The following RAP1GAP2 variants were observed in gnomAD, a reference collection of about 807,000 sequenced individuals.
RAP1GAP2 encodes RAP1 GTPase activating protein 2, also known as rap1 GTPase-activating protein 2.
In RAP1GAP2, 27 loss-of-function variants were observed where a neutral mutation model predicts 95.0. That is an observed-to-expected ratio of 0.28 (90% CI 0.21 to 0.39). The LOEUF (loss-of-function observed/expected upper bound fraction) is 0.39. Among genes scored for constraint, RAP1GAP2 ranks in the 10% least tolerant of loss-of-function variants. RAP1GAP2 has a pLI of 1.00. For synonymous variants in RAP1GAP2, 373 were observed against 380.9 expected, an observed-to-expected ratio of 0.98 and a Z score of 0.24; for missense variants, 771 against 970.0, an observed-to-expected ratio of 0.79 and a Z score of 2.72.
intron 2 of RAP1GAP2, among the ~76,000 whole-genome samples, chr17:2,864,590 T>G (rs1463750286): frequency 6.6e-6 from 1 of 152,200 alleles, no homozygotes; most frequent in Non-Finnish European, 1.5e-5. Flanking sequence ...GGACGGGACG[T>G]ACGGTGTGGG....
rs149643018 is a variant in RAP1GAP2, at chr17:2,844,663, G to A, written c.80+44113G>A. 2.3e-3 allele frequency among the ~76,000 whole-genome samples: 356 copies of A among 152,236 alleles called. 4 individuals are homozygous for A. The highest frequency in any genetic ancestry group is 7.2e-3 in the African/African-American group (299 of 41,534). On this transcript the variant is annotated intron_variant, in intron 2 of 24. Transcript: ENST00000254695. ...TTTTAGGCTAAAAGGACTTAATGTC[G>A]GGGTGGGAAGGATCATTAACACATC...
intron 14 of RAP1GAP2, among the ~76,000 whole-genome samples, chr17:2,999,456 T>A (rs900787891): frequency 1.6e-4 from 24 of 152,054 alleles, no homozygotes; most frequent in Admixed American, 1.4e-3. Flanking sequence ...CTCCGCAAAA[T>A]ATCAGGAACC....
chr17:2,834,096 G>A (rs889232946), intron 2 of RAP1GAP2, among the ~76,000 whole-genome samples: 1 of 152,052 alleles, frequency 6.6e-6, no homozygotes, highest in African/African-American at 2.4e-5. Context: ...GAATAACCTC[G>A]ACCTTCTCCT....
intron 2 of RAP1GAP2, among the ~76,000 whole-genome samples, chr17:2,862,392 A>T (rs1360571864): frequency 6.6e-6 from 1 of 152,134 alleles, no homozygotes; most frequent in Non-Finnish European, 1.5e-5. Context: ...GCTTACCAGG[A>T]TGTTGCCAAA....
rs191037034 is a variant in RAP1GAP2 at position 2,872,443 on chromosome 17, C to T, written c.81-32841C>T. The stretch of plus-strand genomic sequence containing the variant: ...ATATAAGCTGCTTTGAAACAAAGAC[C>T]GTTGGTTACAGAGGCTTATCTCAGG... On this transcript the variant is annotated intron_variant, in intron 2 of 24. Coordinates refer to ENST00000254695, the MANE Select transcript of RAP1GAP2 (RefSeq NM_015085.5). Among the ~76,000 whole-genome samples, 60 of 151,344 alleles carry T rather than the reference C, an allele frequency of 4.0e-4. 1 individual carries two copies. The East Asian group carries it at 9.2e-3, about 23-fold the overall frequency.
intron 3 of RAP1GAP2, among the ~76,000 whole-genome samples, chr17:2,927,996 A>G (rs1046786305): frequency 6.6e-6 from 1 of 152,310 alleles, no homozygotes; most frequent in Non-Finnish European, 1.5e-5. Flanking sequence ...AGAGGGACAT[A>G]GCACACACGC....
intron 2 of RAP1GAP2, among the ~76,000 whole-genome samples, chr17:2,869,326 T>G (rs992335597): frequency 6.6e-6 from 1 of 151,742 alleles, no homozygotes; most frequent in Admixed American, 6.6e-5. Flanking sequence ...TTGTTGAATG[T>G]GTACAAAGTT....
chr17:3,028,114 GC>G (rs1162649981), intron 22 of RAP1GAP2, among the ~76,000 whole-genome samples: 1 of 151,918 alleles, frequency 6.6e-6, no homozygotes, highest in African/African-American at 2.4e-5. Context: ...GCCTGTCTGT[GC>G]CTCAGTTTCT....
intron 11 of RAP1GAP2, among the ~76,000 whole-genome samples, chr17:2,988,185 GA>G (rs1352709982): frequency 6.6e-6 from 1 of 150,708 alleles, no homozygotes; most frequent in African/African-American, 2.5e-5. Flanking sequence ...ACTCCAGCTG[GA>G]GCAACGAGCG....
At chr17:2,989,722 C>T (rs1008748194) in intron 11 of RAP1GAP2, among the ~76,000 whole-genome samples, 1 of 151,864 alleles carries the variant, frequency 6.6e-6, no homozygotes, top group African/African-American at 2.4e-5. Flanking sequence ...CTTTATTGAG[C>T]ACATCAGCAT....
intron 2 of RAP1GAP2, among the ~76,000 whole-genome samples, chr17:2,882,573 C>T (rs888254242): frequency 6.6e-6 from 1 of 151,910 alleles, no homozygotes; most frequent in Non-Finnish European, 1.5e-5. Flanking sequence ...TACAGGCATG[C>T]GCCACCACGC....
chr17:2,963,263 C>T lies in RAP1GAP2; in HGVS notation c.247-167C>T. The T allele has an allele frequency of 1.3e-6, 1 of 782,788 alleles. No individual in the cohort carries two copies. Among genetic ancestry groups the T allele is most frequent in the Non-Finnish European group, 2.2e-6 (1 of 455,834 alleles). The allele number at this position is 782,788 out of a possible 1,614,324, so 48.5% of individuals were successfully genotyped here. ...TGGGTTCTGTCAGTTTGGAGAAGAA[C>T]ATGGGGGATGTTAGATTCCAGAGCT... On this transcript the variant is annotated intron_variant, in intron 5 of 24. Transcript: ENST00000254695. This position sits in a 1 kb window ranked among gnomAD's most constrained non-coding sequence, Gnocchi z 4.8.
intron 17 of RAP1GAP2, among the ~76,000 whole-genome samples, chr17:3,013,221 GTA>G (rs1482027511): frequency 3.3e-5 from 5 of 152,230 alleles, no homozygotes. Flanking sequence ...CTGCAGGGAG[GTA>G]CCTGTAAGCC....
rs945308207 is a variant in RAP1GAP2, at chr17:2,827,916, C to T, written c.80+27366C>T. Among the ~76,000 whole-genome samples, 2 of 152,352 alleles carry T rather than the reference C, an allele frequency of 1.3e-5. No homozygotes were observed. Among genetic ancestry groups the T allele is most frequent in the African/African-American group, 4.8e-5 (2 of 41,592 alleles). On this transcript the variant is annotated intron_variant, in intron 2 of 24. Coordinates refer to ENST00000254695, the MANE Select transcript of RAP1GAP2 (RefSeq NM_015085.5). This position sits in a 1 kb window ranked among gnomAD's most constrained non-coding sequence, Gnocchi z 4.1. ...GGGCCCAGGGGGAGCGTGGCAGAGG[C>T]TCTCAGGCTGGAGGCCAGCTACTGC...
At chr17:2,856,028 CAGA>C (rs2072121459) in intron 2 of RAP1GAP2, among the ~76,000 whole-genome samples, 1 of 152,218 alleles carries the variant, frequency 6.6e-6, no homozygotes, top group Non-Finnish European at 1.5e-5. Context: ...GTGTGTCTAG[CAGA>C]AGAAGCTGCC....
intron 1 of RAP1GAP2, among the ~76,000 whole-genome samples, chr17:2,757,718 C>T (rs1426571897): frequency 6.6e-6 from 1 of 152,052 alleles, no homozygotes; most frequent in African/African-American, 2.4e-5. Context: ...CCCCAGCACC[C>T]CAGACCTTCC....
chr17:2,768,988 A>G (rs542003027), intron 1 of RAP1GAP2, among the ~76,000 whole-genome samples: 39 of 151,700 alleles, frequency 2.6e-4, no homozygotes, highest in Non-Finnish European at 4.1e-4. Flanking sequence ...GCACTTTGGG[A>G]GGCCCAGGCA....
intron 1 of RAP1GAP2, among the ~76,000 whole-genome samples, chr17:2,783,712 G>T (rs890525428): frequency 2.0e-5 from 3 of 152,232 alleles, no homozygotes; most frequent in African/African-American, 7.2e-5. Flanking sequence ...ACATGGGCAG[G>T]GTTCAGTGGG....
chr17:2,927,396 G>A lies in RAP1GAP2; in HGVS notation c.165+22028G>A, dbSNP rs551964023. On this transcript the variant is annotated intron_variant, in intron 3 of 24. Transcript: ENST00000254695. The stretch of plus-strand genomic sequence containing the variant: ...TCTCGATCTCCTGACCTCGTGATCC[G>A]CCCGCCTTGGCCTCCCAAAGTGCTG... Among the ~76,000 whole-genome samples the A allele has an allele frequency of 1.5e-3, 228 of 151,604 alleles. 1 individual carries two copies. The highest frequency in any genetic ancestry group is 2.8e-3 in the Admixed American group (42 of 15,218).
Sources: gnomAD v4.1 joint callset for allele counts (sites outside exome capture counted in the v4.1 genomes callset) on GRCh38, gnomAD v4.1.1 for gene constraint, Gnocchi (gnomAD v3.1) non-coding constraint, MANE v1.5 for transcripts, NCBI Gene and HGNC (gene_info 2026-07-23, HGNC 2026-07-21) for gene names.